DPH7: variants seen among roughly 807,000 people sequenced by gnomAD.
DPH7 encodes the protein diphthamide biosynthesis 7, also known as diphthine methyltransferase.
DPH7 carries 44 observed loss-of-function variants against 41.7 expected under a neutral mutation model. The observed-to-expected ratio is 1.05, with a 90% CI of 0.83 to 1.36. DPH7 has a LOEUF of 1.36. Among genes scored for constraint, DPH7 ranks in the 40% most tolerant of loss-of-function variants. DPH7 has a pLI of 0.00. For synonymous variants in DPH7, 275 were observed against 238.0 expected, an observed-to-expected ratio of 1.16 and a Z score of -1.43; for missense variants, 629 against 577.5, an observed-to-expected ratio of 1.09 and a Z score of -0.91.
chr9:137,554,903 GT>G lies in DPH7; in HGVS notation c.*335del. 1 of 239,890 alleles carries G rather than the reference GT, an allele frequency of 4.2e-6. No homozygotes were observed. The allele number at this position is 239,890 out of a possible 1,614,324, so 14.9% of individuals were successfully genotyped here. A position where few individuals can be genotyped will look rare whatever the true frequency, so the allele number is the denominator to read the frequency against. ...CATTTTAAACATGTTATAAACTCGTGTTTTTCAAAAAACTTCATTTAATACA... is the reference window on the plus strand; with the variant it reads ...CATTTTAAACATGTTATAAACTCGTGTTTTCAAAAAACTTCATTTAATACA... On this transcript the variant is annotated 3_prime_UTR_variant, in exon 9 of 9. Coordinates refer to ENST00000277540, the MANE Select transcript of DPH7 (RefSeq NM_138778.5).
At position 137,555,162 on chromosome 9, in the gene DPH7, T is replaced by C. The variant is rs1564390105; in HGVS notation, c.*77A>G. ...CCTGCAGGGCTGCAGTAAGCATCTC[T>C]GATGAGGTGGTCCCGGGCACTCACT... On this transcript the variant is annotated 3_prime_UTR_variant, in exon 9 of 9. Transcript: ENST00000277540. 1.3e-6 allele frequency: 2 copies of C among 1,502,708 alleles called. No individual in the cohort carries two copies. The highest frequency in any genetic ancestry group is 8.9e-7 in the Non-Finnish European group (1 of 1,122,286). The allele number at this position is 1,502,708 out of a possible 1,614,324, so 93.1% of individuals were successfully genotyped here.
At chr9:137,562,327 A>G (rs1202387407) in intron 8 of DPH7, among the ~76,000 whole-genome samples, 2 of 152,152 alleles carry the variant, frequency 1.3e-5, no homozygotes, top group East Asian at 3.9e-4. Flanking sequence ...CAGAGACCAC[A>G]CTCTAGGCCA....
chr9:137,573,791 G>A (rs1293937276), intron 5 of DPH7, among the ~76,000 whole-genome samples: 2 of 151,690 alleles, frequency 1.3e-5, no homozygotes, highest in East Asian at 3.9e-4. Context: ...ATAGTGGCCA[G>A]GCGCAGTGGC....
At chr9:137,574,547 C>T (rs1841048484) in intron 4 of DPH7, 167 bp from the exon 5 acceptor site, 2 of 843,064 alleles carry the variant, frequency 2.4e-6, no homozygotes, top group Admixed American at 5.5e-5. Context: ...GTCAAAGACA[C>T]CAGTGTCGAC....
In DPH7 at chr9:137,556,830, A is replaced by G. The variant is rs1330791660; in HGVS notation, c.950-1182T>C. On this transcript the variant is annotated intron_variant, in intron 8 of 8. Coordinates refer to ENST00000277540, the MANE Select transcript of DPH7 (RefSeq NM_138778.5). This position sits in a 1 kb window ranked among gnomAD's most constrained non-coding sequence, Gnocchi z 5.2. ...CTCTTCTACAGCTTAGGAAAAGGTA[A>G]TAAGGCAGAGTCTAAGCCCTCAGAG... 2 of 456,536 alleles carry G rather than the reference A, an allele frequency of 4.4e-6. No homozygotes were observed. The highest frequency in any genetic ancestry group is 2.3e-5 in the Admixed American group (1 of 42,568). The allele number at this position is 456,536 out of a possible 1,614,324, so 28.3% of individuals were successfully genotyped here. A position where few individuals can be genotyped will look rare whatever the true frequency, so the allele number is the denominator to read the frequency against.
At chr9:137,573,682 CAAAAAAAA>C (rs61028786) in intron 5 of DPH7, among the ~76,000 whole-genome samples, 13 of 25,942 alleles carry the variant, frequency 5.0e-4, no homozygotes, top group East Asian at 1.8e-3. Context: ...GACTCTGTCT[CAAAAAAAA>C]AAAAAAAAAA....
At position 137,560,882 on chromosome 9, in the gene DPH7, C is replaced by T. The variant is rs564196397; in HGVS notation, c.949+3552G>A. ...AAAAAAAAAAAAAAAATTTGCCGGG[C>T]GTGGTGGTGGGCACCTGTAGTCCCA... On this transcript the variant is annotated intron_variant, in intron 8 of 8. Transcript: ENST00000277540. 6.1e-4 allele frequency among the ~76,000 whole-genome samples: 85 copies of T among 140,294 alleles called. 1 individual carries two copies. Among genetic ancestry groups the T allele is most frequent in the African/African-American group, 2.0e-3 (76 of 37,320 alleles). The allele number at this position is 140,294 out of a possible 152,430, so 92.0% of individuals were successfully genotyped here. A position where few individuals can be genotyped will look rare whatever the true frequency, so the allele number is the denominator to read the frequency against.
intron 5 of DPH7, among the ~76,000 whole-genome samples, chr9:137,573,046 G>A (rs1287089139): frequency 1.3e-5 from 2 of 152,200 alleles, no homozygotes; most frequent in Admixed American, 1.3e-4. Context: ...CACTGCCTGA[G>A]GCAAGCTATA....
In DPH7 at chr9:137,578,745, G is replaced by A; in HGVS notation, c.33C>T (p.Asp11=). The A allele has an allele frequency of 1.3e-6, 2 of 1,524,252 alleles. No individual in the cohort carries two copies. The highest frequency in any genetic ancestry group is 1.8e-6 in the Non-Finnish European group (2 of 1,137,660). The allele number at this position is 1,524,252 out of a possible 1,614,324, so 94.4% of individuals were successfully genotyped here. The change falls in exon 1 of 9, where the codon GAC becomes GAT. Residue 11 remains aspartate (D), a synonymous_variant. Transcript: ENST00000277540. ...CCACCGAGTCCGCGGTCAGCTCGGT[G>A]TCCACCGTTTGCAGGGCGAAACAGC... MMGCFALQTV[D]TELTADSVEW...
chr9:137,575,109 T>G, intron 3 of DPH7: 1 of 1,220,020 alleles, frequency 8.2e-7, no homozygotes, highest in South Asian at 2.1e-5. Context: ...CTCCCTCCCT[T>G]TCACACCCCC....
intron 1 of DPH7, chr9:137,578,060 G>C (rs1167506697): frequency 1.1e-6 from 1 of 920,490 alleles, no homozygotes; most frequent in African/African-American, 1.8e-5. Context: ...GCTCGTGCCT[G>C]TGGTGCCAGC....
chr9:137,564,775 G>C (rs1839276632), intron 7 of DPH7, 118 bp downstream of exon 7: 1 of 1,436,276 alleles, frequency 7.0e-7, no homozygotes, highest in African/African-American at 1.4e-5. Flanking sequence ...AGCACTGGCA[G>C]ACGAAATGCT....
intron 8 of DPH7, among the ~76,000 whole-genome samples, chr9:137,559,402 T>G (rs979739019): frequency 3.3e-5 from 5 of 152,014 alleles, no homozygotes; most frequent in Non-Finnish European, 5.9e-5. Context: ...TTAGCAGACC[T>G]GGAAAGGGAG....
At chr9:137,576,371 C>T in intron 2 of DPH7, 1 of 556,154 alleles carries the variant, frequency 1.8e-6, no homozygotes, top group South Asian at 2.3e-5. Flanking sequence ...TTACTGCAGG[C>T]AAGTGTGACA....
chr9:137,564,851 C>T (rs757973816), intron 7 of DPH7, 42 bp downstream of exon 7: 6 of 1,567,200 alleles, frequency 3.8e-6, no homozygotes, highest in South Asian at 3.5e-5. Flanking sequence ...CCGGGGACAG[C>T]GAAAGAGACG....
At chr9:137,575,797 G>A (rs1435569962) in intron 3 of DPH7, 32 of 1,233,698 alleles carry the variant, frequency 2.6e-5, no homozygotes, top group Non-Finnish European at 8.2e-6. Flanking sequence ...AAGAATGCTT[G>A]CCCAGGCTCT....
rs375207049 is a variant in DPH7 at position 137,555,611 on chromosome 9, T to C, written c.987A>G (p.Thr329=). 8.1e-5 allele frequency: 131 copies of C among 1,611,098 alleles called. No individual in the cohort carries two copies. Among genetic ancestry groups the C allele is most frequent in the Non-Finnish European group, 9.9e-5 (117 of 1,178,300 alleles). Residue 329 remains threonine, a synonymous_variant, in exon 9 of 9, where the codon ACA becomes ACG. Transcript: ENST00000277540. ...RQEATVLTSH[T]LPDSLVYGAD... The stretch of plus-strand genomic sequence containing the variant: ...CTCCATACACCAGCGAGTCGGGCAA[T>C]GTGTGAGATGTCAGGACCGTCGCCT...
At chr9:137,577,781 A>AC (rs1841681985) in intron 1 of DPH7, among the ~76,000 whole-genome samples, 178 bp from the exon 2 acceptor site, 1 of 152,012 alleles carries the variant, frequency 6.6e-6, no homozygotes, top group African/African-American at 2.4e-5. Context: ...GTAGGTGAAC[A>AC]CTCCTGGACC....
chr9:137,575,679 G>A, intron 3 of DPH7: 2 of 1,035,816 alleles, frequency 1.9e-6, no homozygotes, highest in Non-Finnish European at 1.2e-6. Flanking sequence ...AGCACTGTGA[G>A]AAACTCGGAA....
Sources: gnomAD v4.1 joint callset for allele counts (sites outside exome capture counted in the v4.1 genomes callset) on GRCh38, gnomAD v4.1.1 for gene constraint, Gnocchi (gnomAD v3.1) non-coding constraint, MANE v1.5 for transcripts, NCBI Gene and HGNC (gene_info 2026-07-23, HGNC 2026-07-21) for gene names.